TEX14: variants seen among roughly 807,000 people sequenced by gnomAD.
TEX14 encodes inactive serine/threonine-protein kinase TEX14.
TEX14 carries 168 observed loss-of-function variants against 178.6 expected under a neutral mutation model. That is an observed-to-expected ratio of 0.94 (90% confidence interval 0.83 to 1.07). TEX14 has a LOEUF of 1.07. TEX14 is among the 50% of genes least tolerant of loss of function. TEX14 has a pLI of 0.00. For missense variants in TEX14, 1,730 were observed against 1,753.6 expected, an observed-to-expected ratio of 0.99 and a Z score of 0.24; for synonymous variants, 626 against 634.1, an observed-to-expected ratio of 0.99 and a Z score of 0.19.
intron 1 of TEX14, among the ~76,000 whole-genome samples, chr17:58,680,003 G>A (rs2047474280): frequency 6.6e-6 from 1 of 152,078 alleles, no homozygotes; most frequent in Non-Finnish European, 1.5e-5. Flanking sequence ...ATGCTCTACA[G>A]ATTAAAAGGT....
At chr17:58,683,989 CGA>C (rs1260939946) in intron 1 of TEX14, among the ~76,000 whole-genome samples, 2 of 151,882 alleles carry the variant, frequency 1.3e-5, no homozygotes, top group East Asian at 3.9e-4. Context: ...TGCTTGAACC[CGA>C]GAGACGGAGG....
chr17:58,594,433 C>T (rs2045232313), intron 14 of TEX14, among the ~76,000 whole-genome samples: 1 of 151,710 alleles, frequency 6.6e-6, no homozygotes, highest in African/African-American at 2.4e-5. Context: ...TCACTGCAAC[C>T]TCTGATTCCC....
chr17:58,619,807 A>G (rs1289563694), intron 5 of TEX14, among the ~76,000 whole-genome samples: 6 of 152,012 alleles, frequency 3.9e-5, no homozygotes, highest in Non-Finnish European at 8.8e-5. Context: ...AAAAAAAAAA[A>G]AAAAAAAAAG....
At chr17:58,587,849 C>A (rs374308750) in intron 16 of TEX14, 47 bp downstream of exon 16, 2 of 1,086,814 alleles carry the variant, frequency 1.8e-6, no homozygotes, top group East Asian at 2.4e-5. Flanking sequence ...CAGAACCCAC[C>A]CCCACCCCCG....
intron 14 of TEX14, among the ~76,000 whole-genome samples, chr17:58,598,673 C>T (rs1017378078): frequency 2.6e-5 from 4 of 152,110 alleles, no homozygotes; most frequent in African/African-American, 9.7e-5. Flanking sequence ...ATATGTCAGT[C>T]CCTCCACATA....
At chr17:58,684,623 C>A (rs979955956) in intron 1 of TEX14, among the ~76,000 whole-genome samples, 1 of 143,826 alleles carries the variant, frequency 7.0e-6, no homozygotes, top group Non-Finnish European at 1.5e-5. Flanking sequence ...ACAGTGAGAC[C>A]CTGTCTCAAA....
rs749291306 is a variant in TEX14 at position 58,587,950 on chromosome 17, G to C, written c.2648C>G (p.Ser883Ter). Residue 883 changes from serine to a stop codon, truncating the protein, a stop_gained, in exon 16 of 32, where the codon TCA (serine) becomes TGA (stop). Coordinates refer to ENST00000349033, the MANE Select transcript of TEX14 (RefSeq NM_031272.5). LOFTEE classifies it high-confidence loss of function. The stretch of plus-strand genomic sequence containing the variant: ...TGCAGAAGGTCCCTGCCGGTGGCTT[G>C]ACAGAGTGAAGAGTGCACTATTAAA... The part of the protein sequence containing the change: ...TQFNSALFTL[S>*]SHRQGPSASP... 6.2e-7 allele frequency: 1 copy of C among 1,612,986 alleles called. No individual in the cohort carries two copies. The highest frequency in any genetic ancestry group is 8.5e-7 in the Non-Finnish European group (1 of 1,179,150).
intron 7 of TEX14, 149 bp downstream of exon 7, chr17:58,616,026 G>C: frequency 1.2e-6 from 1 of 863,852 alleles, no homozygotes; most frequent in Non-Finnish European, 1.7e-6. Context: ...AATGGTAATA[G>C]TGTCCTGGCT....
intron 2 of TEX14, among the ~76,000 whole-genome samples, chr17:58,647,220 G>C (rs1212407337): frequency 1.3e-5 from 2 of 150,806 alleles, no homozygotes; most frequent in East Asian, 4.1e-4. Context: ...CAATTAAAGT[G>C]ACAGAAAAAA....
In TEX14 at chr17:58,611,253, C is replaced by T; in HGVS notation, c.1092G>A (p.Gln364=). Residue 364 remains glutamine, a synonymous_variant, in exon 10 of 32, where the codon CAG becomes CAA. Transcript: ENST00000349033. ...AGCTGAGGGAGCGGTGGATAAACCCCTGGAAATGCAGGTATCTCAGGGCAT... is the reference window on the plus strand; with the variant it reads ...AGCTGAGGGAGCGGTGGATAAACCCTTGGAAATGCAGGTATCTCAGGGCAT... The part of the protein sequence containing the change: ...ISDALRYLHF[Q]GFIHRSLSSY... 1 of 1,613,720 alleles carries T rather than the reference C, an allele frequency of 6.2e-7. No homozygotes were observed. The highest frequency in any genetic ancestry group is 8.5e-7 in the Non-Finnish European group (1 of 1,179,736).
chr17:58,623,970 A>C (rs2046069276), intron 3 of TEX14, among the ~76,000 whole-genome samples: 1 of 152,180 alleles, frequency 6.6e-6, no homozygotes, highest in South Asian at 2.1e-4. Context: ...TGTTCTATGT[A>C]TATACAAGTA....
At chr17:58,561,764 G>C in intron 28 of TEX14, 152 bp from the exon 29 acceptor site, 1 of 603,324 alleles carries the variant, frequency 1.7e-6, no homozygotes, top group Non-Finnish European at 3.0e-6. Context: ...ATTGTGTCTG[G>C]AGTCATAGAG....
chr17:58,599,251 A>T lies in TEX14; in HGVS notation c.2094T>A (p.Gly698=). The change falls in exon 14 of 32, where the codon GGT becomes GGA. Residue 698 remains glycine (G), a synonymous_variant. Coordinates refer to ENST00000349033, the MANE Select transcript of TEX14 (RefSeq NM_031272.5). Reference sequence around the variant, plus strand: ...CAGGAAGGCTGAGTGAACTGAGTGAACCGTTTTGCCAGTCCCAGTCATCAA... The same window carrying T: ...CAGGAAGGCTGAGTGAACTGAGTGATCCGTTTTGCCAGTCCCAGTCATCAA... The part of the protein sequence containing the change: ...YSFDDWDWQN[G]SLSSLSLPES... 6.2e-7 allele frequency: 1 copy of T among 1,613,846 alleles called. No individual in the cohort carries two copies. The highest frequency in any genetic ancestry group is 8.5e-7 in the Non-Finnish European group (1 of 1,180,026).
intron 14 of TEX14, among the ~76,000 whole-genome samples, chr17:58,596,008 C>A (rs1010519786): frequency 6.6e-6 from 1 of 152,100 alleles, no homozygotes; most frequent in Non-Finnish European, 1.5e-5. Context: ...TATGGTAAAA[C>A]CCCCTCTCTA....
rs536941880 is a variant in TEX14, at chr17:58,617,480, G to A, written c.636+58C>T. Reference sequence around the variant, plus strand: ...GGAGTTGGACAAAGGTGGGAGATGGGGCCCGATGATTCTCCAGTTAGTCCT... The same window carrying A: ...GGAGTTGGACAAAGGTGGGAGATGGAGCCCGATGATTCTCCAGTTAGTCCT... On this transcript the variant is annotated intron_variant, in intron 6 of 31. Coordinates refer to ENST00000349033, the MANE Select transcript of TEX14 (RefSeq NM_031272.5). 80 of 1,295,066 alleles carry A rather than the reference G, an allele frequency of 6.2e-5. No individual in the cohort carries two copies. In the South Asian group the frequency reaches 9.3e-4, roughly 15 times the overall value. 80.2% of individuals were successfully genotyped at this position (1,295,066 alleles called of 1,614,324 possible).
intron 2 of TEX14, among the ~76,000 whole-genome samples, chr17:58,648,786 CTTTTTTTTTTTT>C (rs34918333): frequency 1.1e-5 from 1 of 89,726 alleles, no homozygotes; most frequent in African/African-American, 4.3e-5. Flanking sequence ...CTTTTTTTTT[CTTTTTTTTTTTT>C]TTTTTTTTTG....
At chr17:58,629,024 C>A (rs1048500634) in intron 3 of TEX14, among the ~76,000 whole-genome samples, 33 of 152,162 alleles carry the variant, frequency 2.2e-4, no homozygotes, top group Non-Finnish European at 3.8e-4. Flanking sequence ...GCTTGAATCA[C>A]TTAAGTGCCC....
chr17:58,651,235 G>A (rs2046834027), intron 2 of TEX14, among the ~76,000 whole-genome samples: 2 of 152,194 alleles, frequency 1.3e-5, no homozygotes, highest in Admixed American at 1.3e-4. Context: ...CTGTGATCAT[G>A]CTACTGCACT....
chr17:58,582,566 C>CTTT (rs74540002), intron 19 of TEX14, among the ~76,000 whole-genome samples: 1 of 129,364 alleles, frequency 7.7e-6, no homozygotes, highest in African/African-American at 2.8e-5. Context: ...CTGCAAATTT[C>CTTT]TTTTTTTTTT....
Sources: allele counts gnomAD v4.1 joint callset (sites outside exome capture counted in the v4.1 genomes callset), GRCh38; gene constraint gnomAD v4.1.1; transcripts MANE v1.5; gene names NCBI Gene and HGNC (gene_info 2026-07-23, HGNC 2026-07-21).